Variants in NOTCH2 observed in about 807,000 individuals in gnomAD.
NOTCH2 encodes neurogenic locus notch homolog protein 2.
Under a neutral mutation model 235.8 loss-of-function variants are expected in NOTCH2, and 29 were observed. The observed-to-expected ratio is 0.12, with a 90% CI of 0.09 to 0.17. The LOEUF is 0.17. Among genes scored for constraint, NOTCH2 ranks in the 10% least tolerant of loss-of-function variants. The pLI, the probability that NOTCH2 is intolerant of heterozygous loss-of-function variation, is 1.00. For synonymous variants in NOTCH2, 1,086 were observed against 1,141.5 expected (o/e 0.95, Z 0.98); for missense variants, 2,285 against 3,150.2 (o/e 0.73, Z 6.57).
chr1:120,007,308 TA>T (rs1653017125), intron 2 of NOTCH2, among the ~76,000 whole-genome samples: 1 of 149,218 alleles, frequency 6.7e-6, no homozygotes, highest in Non-Finnish European at 1.5e-5. Context: ...TCTCACATTG[TA>T]AATAGTTAAT....
At chr1:120,025,349 A>G (rs1653800820) in intron 2 of NOTCH2, among the ~76,000 whole-genome samples, 1 of 151,954 alleles carries the variant, frequency 6.6e-6, no homozygotes, top group Non-Finnish European at 1.5e-5. Flanking sequence ...GGCTTAATGA[A>G]CACCTCAGGG....
At chr1:120,005,129 T>C in intron 3 of NOTCH2, 200 bp downstream of exon 3, 1 of 807,352 alleles carries the variant, frequency 1.2e-6, no homozygotes, top group Non-Finnish European at 2.0e-6. Context: ...TTGGTACTTT[T>C]TCTTTCTCTT....
At position 119,937,412 on chromosome 1, in the gene NOTCH2, T is replaced by C. The variant is rs781929614; in HGVS notation, c.3392A>G (p.Asn1131Ser). 1 of 1,614,110 alleles carries C rather than the reference T, an allele frequency of 6.2e-7. No individual in the cohort carries two copies. The highest frequency in any genetic ancestry group is 1.1e-5 in the South Asian group (1 of 91,070). ...QHSGVCINAG[N>S]THYCQCPLGY... ...CAGGGGGCACTGACAGTAATGCGTG[T>C]TGCCAGCATTGATGCAGACACCTGA... Residue 1131 changes from asparagine (N) to serine (S), a missense_variant, in exon 21 of 34, where the codon AAC (asparagine) becomes AGC (serine). Asn to Ser is a conservative substitution (Grantham distance 46). Coordinates refer to ENST00000256646, the MANE Select transcript of NOTCH2 (RefSeq NM_024408.4).
At chr1:119,938,034 A>G (rs1553195988) in intron 19 of NOTCH2, 24 bp from the exon 20 acceptor site, 1 of 1,612,772 alleles carries the variant, frequency 6.2e-7, no homozygotes, top group South Asian at 1.1e-5. Flanking sequence ...AGGGGTGTAC[A>G]TACATCAAAA....
chr1:119,950,647 T>G (rs1553197669), intron 15 of NOTCH2, 77 bp downstream of exon 15: 2 of 892,894 alleles, frequency 2.2e-6, no homozygotes, highest in South Asian at 2.6e-5. Flanking sequence ...CCCACAGACC[T>G]GGGCACTGAG....
chr1:119,937,452 G>A lies in NOTCH2; in HGVS notation c.3352C>T (p.His1118Tyr), dbSNP rs1553195880. 1 of 1,613,604 alleles carries A rather than the reference G, an allele frequency of 6.2e-7. No individual in the cohort carries two copies. The highest frequency in any genetic ancestry group is 8.5e-7 in the Non-Finnish European group (1 of 1,179,974). ...AASRRGVLVE[H>Y]LCQHSGVCIN... ...CAGACACCTGAGTGCTGGCACAAGTGTTCAACAAGCACACCTGGGAAACCC... is the reference window on the plus strand; with the variant it reads ...CAGACACCTGAGTGCTGGCACAAGTATTCAACAAGCACACCTGGGAAACCC... The change falls in exon 21 of 34, where the codon CAC becomes TAC. Residue 1118 changes from histidine to tyrosine, a missense_variant. Physicochemically the swap from His to Tyr is moderately conservative, Grantham distance 83. This residue lies in a region of NOTCH2 where 1,173 missense variants were observed against 1,515.3 expected (regional missense o/e 0.77). Coordinates refer to ENST00000256646, the MANE Select transcript of NOTCH2 (RefSeq NM_024408.4).
At position 120,041,004 on chromosome 1, in the gene NOTCH2, G is replaced by A. The variant is rs1174093127; in HGVS notation, c.74-11017C>T. Among the ~76,000 whole-genome samples, 13 of 119,908 alleles carry A rather than the reference G, an allele frequency of 1.1e-4. No homozygotes were observed. In the Admixed American group the frequency reaches 1.1e-3, roughly 10 times the overall value. 78.7% of individuals were successfully genotyped at this position (119,908 alleles called of 152,430 possible). ...TGCAATGAGCCGAGATTGTGCCACT[G>A]CACTCCAGCCTGGGCGACAGAGCAA... is the stretch of plus-strand genomic sequence containing the variant. On this transcript the variant is annotated intron_variant, in intron 1 of 33. Transcript: ENST00000256646.
At chr1:119,986,938 G>A in intron 5 of NOTCH2, 22 bp downstream of exon 5, 4 of 1,613,308 alleles carry the variant, frequency 2.5e-6, no homozygotes, top group Non-Finnish European at 3.4e-6. Flanking sequence ...CCATTCTGGT[G>A]GATTCTCCAC....
In NOTCH2 at chr1:119,922,693, G is replaced by T. The variant is rs769177875; in HGVS notation, c.4945C>A (p.Leu1649Ile). 1 of 1,614,210 alleles carries T rather than the reference G, an allele frequency of 6.2e-7. No homozygotes were observed. The highest frequency in any genetic ancestry group is 8.5e-7 in the Non-Finnish European group (1 of 1,180,038). ...CCCTGTATGGCGTGAGAGGCCAGGA[G>T]AGCTGCTGCTGCATCCGTGTTCTTG... The part of the protein sequence containing the change: ...CFKNTDAAAA[L>I]LASHAIQGTL... Residue 1649 changes from leucine to isoleucine, a missense_variant, in exon 27 of 34, where the codon CTC becomes ATC. Around this residue, in one of 6 missense-constraint regions of NOTCH2, gnomAD observed 1,173 missense variants for 1,515.3 expected, o/e 0.77. Coordinates refer to ENST00000256646, the MANE Select transcript of NOTCH2 (RefSeq NM_024408.4).
intron 23 of NOTCH2, among the ~76,000 whole-genome samples, chr1:119,927,213 C>G (rs587608039): frequency 2.0e-5 from 3 of 152,148 alleles, no homozygotes; most frequent in Admixed American, 1.3e-4. Context: ...AGATAAAGAA[C>G]GAGGCAACTG....
At chr1:119,971,070 G>A (rs1268682878) in intron 5 of NOTCH2, among the ~76,000 whole-genome samples, 2 of 152,220 alleles carry the variant, frequency 1.3e-5, no homozygotes, top group Non-Finnish European at 2.9e-5. Context: ...ACTCGCGGAT[G>A]CTAGTTGTGT....
chr1:120,040,960 G>A (rs1200275510), intron 1 of NOTCH2, among the ~76,000 whole-genome samples: 1 of 139,108 alleles, frequency 7.2e-6, no homozygotes, highest in African/African-American at 2.7e-5. Context: ...AGAATGGAAT[G>A]AACCCGGGAG....
At chr1:119,939,195 T>C (rs587634116) in intron 19 of NOTCH2, among the ~76,000 whole-genome samples, 1 of 152,170 alleles carries the variant, frequency 6.6e-6, no homozygotes, top group South Asian at 2.1e-4. Flanking sequence ...AAAAACAGAT[T>C]TTTCCCCCAC....
intron 22 of NOTCH2, 33 bp from the exon 23 acceptor site, chr1:119,929,245 A>G (rs781850458): frequency 6.3e-7 from 1 of 1,575,810 alleles, no homozygotes; most frequent in East Asian, 2.2e-5. Flanking sequence ...AGAATTATGA[A>G]AATCCTTTTA....
chr1:119,929,422 C>T (rs1351502077), intron 22 of NOTCH2, among the ~76,000 whole-genome samples: 1 of 152,148 alleles, frequency 6.6e-6, no homozygotes, highest in Non-Finnish European at 1.5e-5. Flanking sequence ...AAAGAACATA[C>T]TAGGGCTCCG....
intron 19 of NOTCH2, among the ~76,000 whole-genome samples, chr1:119,938,546 A>T (rs1169588482): frequency 6.6e-6 from 1 of 152,248 alleles, no homozygotes; most frequent in Non-Finnish European, 1.5e-5. Flanking sequence ...ACCTCTTACC[A>T]CCACACAGCT....
chr1:119,945,698 A>G (rs1553196956), intron 17 of NOTCH2, among the ~76,000 whole-genome samples: 1 of 152,102 alleles, frequency 6.6e-6, no homozygotes, highest in Non-Finnish European at 1.5e-5. Context: ...ACTTAAGATT[A>G]GAGTTTCAAA....
intron 3 of NOTCH2, among the ~76,000 whole-genome samples, chr1:119,999,654 G>A (rs1204553051): frequency 6.6e-6 from 1 of 151,894 alleles, no homozygotes; most frequent in African/African-American, 2.4e-5. Context: ...GGCTGAGGTG[G>A]GCAGATCACT....
At chr1:120,040,985 G>A (rs587658121) in intron 1 of NOTCH2, among the ~76,000 whole-genome samples, 82 of 129,792 alleles carry the variant, frequency 6.3e-4, no homozygotes, top group Non-Finnish European at 1.2e-3. Flanking sequence ...AGCTTGCAAT[G>A]AGCCGAGATT....
Sources: allele counts gnomAD v4.1 joint callset (sites outside exome capture counted in the v4.1 genomes callset), GRCh38; gene constraint gnomAD v4.1.1; regional missense constraint gnomAD v4.1.1; transcripts MANE v1.5; gene names NCBI Gene and HGNC (gene_info 2026-07-23, HGNC 2026-07-21).